CSPG4: variants seen among roughly 807,000 people sequenced by gnomAD.
CSPG4 encodes the protein chondroitin sulfate proteoglycan 4, also known as chondroitin sulfate proteoglycan 4 (melanoma-associated).
Under a neutral mutation model 139.3 loss-of-function variants are expected in CSPG4, and 74 were observed. That is an observed-to-expected ratio of 0.53 (90% confidence interval 0.44 to 0.64). The LOEUF (loss-of-function observed/expected upper bound fraction) is 0.64. CSPG4 is among the 30% of genes least tolerant of loss of function. The probability of loss-of-function intolerance (pLI) is 0.00; values close to 1 mark genes in which losing one functional copy is unlikely to be tolerated. For synonymous variants in CSPG4, 1,234 were observed against 1,394.2 expected, an observed-to-expected ratio of 0.89 and a Z score of 2.56; for missense variants, 2,565 against 3,148.3, an observed-to-expected ratio of 0.81 and a Z score of 4.43.
rs748414487 is a variant in CSPG4 at position 75,690,107 on chromosome 15, C to T, written c.958G>A (p.Gly320Ser). Reference protein sequence around the residue: ...RGVLSYLEPRGSLLLGGLDAE... With the variant: ...RGVLSYLEPRSSLLLGGLDAE... The stretch of plus-strand genomic sequence containing the variant: ...TCCAGCCCCCCGAGAAGGAGACTGC[C>T]CCGTGGCTCCAGGTAGCTGAGGACT... The change falls in exon 3 of 10, where the codon GGC becomes AGC. Residue 320 changes from glycine to serine, a missense_variant. Around this residue, in one of 5 missense-constraint regions of CSPG4, gnomAD observed 2,316 missense variants for 2,818.2 expected, o/e 0.82. Transcript: ENST00000308508. 3.1e-6 allele frequency: 5 copies of T among 1,612,752 alleles called. No homozygotes were observed. The Admixed American group carries it at 6.7e-5, about 22-fold the overall frequency.
In CSPG4 at chr15:75,687,325, ATCT is replaced by A. The variant is rs763794928; in HGVS notation, c.3737_3739del (p.Lys1246del). ...AGCTGCCTCTCCCTGGAAGACGTAG[ATCT>A]TCTTGTGCCGGACCAGCTTCAGTGG... On this transcript the variant is annotated inframe_deletion, in exon 3 of 10. Transcript: ENST00000308508. This position sits in a 1 kb window ranked among gnomAD's most constrained non-coding sequence, Gnocchi z 5.4. 4.3e-6 allele frequency: 7 copies of A among 1,612,138 alleles called. No homozygotes were observed. The highest frequency in any genetic ancestry group is 5.9e-6 in the Non-Finnish European group (7 of 1,180,004).
intron 1 of CSPG4, among the ~76,000 whole-genome samples, chr15:75,693,996 C>T (rs1435080834): frequency 6.6e-6 from 1 of 152,240 alleles, no homozygotes. Context: ...GCTATTGCTT[C>T]CTGCTGGAGA....
At position 75,676,590 on chromosome 15, in the gene CSPG4, C is replaced by T. The variant is rs373703052; in HGVS notation, c.5929G>A (p.Ala1977Thr). The T allele has an allele frequency of 3.1e-6, 5 of 1,612,364 alleles. No individual in the cohort carries two copies. The highest frequency in any genetic ancestry group is 1.6e-4 in the Middle Eastern group (1 of 6,078). The change falls in exon 10 of 10, where the codon GCA becomes ACA. Residue 1977 changes from alanine (A) to threonine (T), a missense_variant. Ala to Thr is a moderately conservative substitution (Grantham distance 58, BLOSUM62 0). Coordinates refer to ENST00000308508, the MANE Select transcript of CSPG4 (RefSeq NM_001897.5). ...GGTCCCTGGATGAGGCGGTATGCTG[C>T]CTCTGGCTCCTCCCGATCTGAAACC... ...RVVSDREEPE[A>T]AYRLIQGPQY...
chr15:75,712,818 G>C lies in CSPG4; in HGVS notation c.-63C>G. Reference sequence around the variant, plus strand: ...CGGAGTCCTGGGAGCTGGGAGCTGAGTGGAGCGAGCGCGGCTCTGCTCCTG... The same window carrying C: ...CGGAGTCCTGGGAGCTGGGAGCTGACTGGAGCGAGCGCGGCTCTGCTCCTG... On this transcript the variant is annotated 5_prime_UTR_variant, in exon 1 of 10. Transcript: ENST00000308508. 2 of 1,407,342 alleles carry C rather than the reference G, an allele frequency of 1.4e-6. No homozygotes were observed. The highest frequency in any genetic ancestry group is 1.4e-5 in the South Asian group (1 of 72,610). 87.2% of individuals were successfully genotyped at this position (1,407,342 alleles called of 1,614,324 possible).
rs1481153682 is a variant in CSPG4 at position 75,698,148 on chromosome 15, C to G, written c.89-4915G>C. ...GGAGGGCCCTGCTCCAAGACGAAGC[C>G]AGACTTCTCCATCACCGCCCCTCGG... On this transcript the variant is annotated intron_variant, in intron 1 of 9. Transcript: ENST00000308508. The surrounding 1 kb of genome is among the most constrained non-coding windows in gnomAD (Gnocchi z 4.3). 6.6e-6 allele frequency among the ~76,000 whole-genome samples: 1 copy of G among 152,140 alleles called. No homozygotes were observed. The highest frequency in any genetic ancestry group is 1.5e-5 in the Non-Finnish European group (1 of 68,020).
At chr15:75,702,171 G>A (rs1298000042) in intron 1 of CSPG4, among the ~76,000 whole-genome samples, 3 of 152,190 alleles carry the variant, frequency 2.0e-5, no homozygotes, top group African/African-American at 7.2e-5. Context: ...TGGCACTGAA[G>A]GCCAGGGTGC....
intron 1 of CSPG4, among the ~76,000 whole-genome samples, chr15:75,707,789 C>T (rs8023610): frequency 0.44 from 66,746 of 150,476 alleles, 14,932 homozygotes; most frequent in African/African-American, 0.58. Flanking sequence ...CCCTGGGGTG[C>T]GCTGGAGTGC....
intron 1 of CSPG4, among the ~76,000 whole-genome samples, chr15:75,705,722 G>A (rs1894360666): frequency 6.6e-6 from 1 of 152,172 alleles, no homozygotes; most frequent in African/African-American, 2.4e-5. Flanking sequence ...AGGAGGGAGA[G>A]ATGGGGCCTG....
At chr15:75,697,796 G>A (rs1201407604) in intron 1 of CSPG4, among the ~76,000 whole-genome samples, 2 of 152,198 alleles carry the variant, frequency 1.3e-5, no homozygotes, top group African/African-American at 2.4e-5. Context: ...ATGTGGGGGA[G>A]GGACACCCAG....
Position 75,700,988 on chromosome 15 carries a change from C to CA in CSPG4, c.89-7756dup, listed in dbSNP as rs1894294623. ...AAGCCTGGGTCAGGGCTCACACCCC[C>CA]AGCACACACACAGGGCTCAGAGCCA... On this transcript the variant is annotated intron_variant, in intron 1 of 9. Transcript: ENST00000308508. 2.0e-5 allele frequency among the ~76,000 whole-genome samples: 3 copies of CA among 152,176 alleles called. 1 individual carries two copies. Among genetic ancestry groups the CA allele is most frequent in the Admixed American group, 2.0e-4 (3 of 15,276 alleles).
chr15:75,700,478 G>A (rs1172873300), intron 1 of CSPG4, among the ~76,000 whole-genome samples: 1 of 152,186 alleles, frequency 6.6e-6, no homozygotes, highest in East Asian at 1.9e-4. Flanking sequence ...GCCGAATCGG[G>A]AGGGCCCTTC....
Position 75,677,731 on chromosome 15 carries a change from C to T in CSPG4, c.5106G>A (p.Gln1702=). 1.2e-6 allele frequency: 2 copies of T among 1,605,972 alleles called. No individual in the cohort carries two copies. The highest frequency in any genetic ancestry group is 8.5e-7 in the Non-Finnish European group (1 of 1,176,636). ...TGTTCTTCCAGAGGTGGCTGGGGCG[C>T]TGGGGACAGGCAGCCTCAAAAGACA... ...VAVSFEAACP[Q]RPSHLWKNKG... is the part of the protein sequence containing the mutation. The change falls in exon 9 of 10, where the codon CAG becomes CAA. Residue 1702 remains glutamine (Q), a synonymous_variant. Coordinates refer to ENST00000308508, the MANE Select transcript of CSPG4 (RefSeq NM_001897.5).
chr15:75,675,928 C>T lies in CSPG4; in HGVS notation c.6591G>A (p.Glu2197=), dbSNP rs183417829. The T allele has an allele frequency of 4.4e-6, 7 of 1,598,172 alleles. No individual in the cohort carries two copies. Among genetic ancestry groups the T allele is most frequent in the Non-Finnish European group, 5.9e-6 (7 of 1,177,412 alleles). Reference sequence around the variant, plus strand: ...CAGGGCTGGATGCCATGGGGCCTGGCTCGCCTGTGGGGGTGCTGCTCTCTG... The same window carrying T: ...CAGGGCTGGATGCCATGGGGCCTGGTTCGCCTGTGGGGGTGCTGCTCTCTG... ...GKPESSTPTG[E]PGPMASSPEP... The change falls in exon 10 of 10, where the codon GAG becomes GAA. Residue 2197 remains glutamate, a synonymous_variant. Transcript: ENST00000308508.
At position 75,676,480 on chromosome 15, in the gene CSPG4, G is replaced by A; in HGVS notation, c.6039C>T (p.Ala2013=). ...FQIDQGEVVF[A]FTNFSSSHDH... ...CATGAGAGGAGGAGAAGTTGGTGAA[G>A]GCAAAGACCACCTCGCCCTGGTCTA... The change falls in exon 10 of 10, where the codon GCC becomes GCT. Residue 2013 remains alanine, a synonymous_variant. Transcript: ENST00000308508. 6.2e-7 allele frequency: 1 copy of A among 1,613,984 alleles called. No individual in the cohort carries two copies.
chr15:75,701,646 G>A (rs1021816557), intron 1 of CSPG4, among the ~76,000 whole-genome samples: 7 of 152,022 alleles, frequency 4.6e-5, no homozygotes, highest in Non-Finnish European at 8.8e-5. Context: ...TTTCTCTCCC[G>A]GCCTCAGGCC....
At position 75,696,344 on chromosome 15, in the gene CSPG4, G is replaced by A. The variant is rs1044128839; in HGVS notation, c.89-3111C>T. Among the ~76,000 whole-genome samples, 6 of 152,094 alleles carry A rather than the reference G, an allele frequency of 3.9e-5. No homozygotes were observed. Among genetic ancestry groups the A allele is most frequent in the African/African-American group, 1.2e-4 (5 of 41,408 alleles). Reference sequence around the variant, plus strand: ...GGATGCCCCACAGGTCTGGGGGCCCGTGGGAGGGGCAGGAAGAGTGCTGCG... The same window carrying A: ...GGATGCCCCACAGGTCTGGGGGCCCATGGGAGGGGCAGGAAGAGTGCTGCG... On this transcript the variant is annotated intron_variant, in intron 1 of 9. Transcript: ENST00000308508. The surrounding 1 kb of genome is among the most constrained non-coding windows in gnomAD (Gnocchi z 4.2).
chr15:75,685,236 C>T lies in CSPG4; in HGVS notation c.4255G>A (p.Ala1419Thr), dbSNP rs1336862676. 9 of 1,522,250 alleles carry T rather than the reference C, an allele frequency of 5.9e-6. No individual in the cohort carries two copies. Among genetic ancestry groups the T allele is most frequent in the South Asian group, 5.2e-5 (4 of 76,422 alleles). 94.3% of individuals were successfully genotyped at this position (1,522,250 alleles called of 1,614,324 possible). Residue 1419 changes from alanine to threonine, a missense_variant, in exon 4 of 10, where the codon GCC becomes ACC. Ala to Thr is a moderately conservative substitution (Grantham distance 58). Coordinates refer to ENST00000308508, the MANE Select transcript of CSPG4 (RefSeq NM_001897.5). ...AGCCATACCATTCTCCAGGAGAAGG[C>T]GCTGAGGGTCCTGGCTTGAGGTCCG... is the stretch of plus-strand genomic sequence containing the variant. ...EDGPQARTLS[A>T]FSWRMVEEQL...
At position 75,677,088 on chromosome 15, in the gene CSPG4, A is replaced by G; in HGVS notation, c.5431T>C (p.Ser1811Pro). ...RAHLQGPAGA[S>P]VAGPQTSEAF... is the part of the protein sequence containing the mutation. ...TCTGAGGTTTGGGGTCCAGCCACGG[A>G]GGCCCCTGCTGGCCCCTGGAGGTGG... Residue 1811 changes from serine (S) to proline (P), a missense_variant, in exon 10 of 10, where the codon TCC (serine) becomes CCC (proline). Physicochemically the swap from Ser to Pro is moderately conservative, Grantham distance 74. Transcript: ENST00000308508. 1 of 1,417,934 alleles carries G rather than the reference A, an allele frequency of 7.1e-7. No homozygotes were observed. The highest frequency in any genetic ancestry group is 1.4e-5 in the African/African-American group (1 of 69,020). 87.8% of individuals were successfully genotyped at this position (1,417,934 alleles called of 1,614,324 possible).
intron 5 of CSPG4, among the ~76,000 whole-genome samples, chr15:75,683,400 A>T (rs1308105073): frequency 6.6e-6 from 1 of 151,852 alleles, no homozygotes; most frequent in Non-Finnish European, 1.5e-5. Flanking sequence ...AGTGCTCCCT[A>T]ATCTGTCTCA....
Sources: gnomAD v4.1 joint callset for allele counts (sites outside exome capture counted in the v4.1 genomes callset) on GRCh38, gnomAD v4.1.1 for gene constraint, gnomAD v4.1.1 regional missense constraint, Gnocchi (gnomAD v3.1) non-coding constraint, MANE v1.5 for transcripts, NCBI Gene and HGNC (gene_info 2026-07-23, HGNC 2026-07-21) for gene names.